Variants in ADGRE2 observed in about 807,000 individuals in gnomAD.
ADGRE2 encodes the protein adhesion G protein-coupled receptor E2.
Under a neutral mutation model 100.8 loss-of-function variants are expected in ADGRE2, and 83 were observed. The ratio of observed to expected loss-of-function variants is 0.82; its 90% CI spans 0.69 to 0.99. The LOEUF (loss-of-function observed/expected upper bound fraction) is 0.99, where lower values mean the gene tolerates loss of function less well. Among genes scored for constraint, ADGRE2 ranks in the 50% least tolerant of loss-of-function variants. The pLI is 0.00. For missense variants in ADGRE2, 814 were observed against 1,035.7 expected (o/e 0.79, Z 2.94); for synonymous variants, 355 against 413.0 (o/e 0.86, Z 1.70).
rs771100341 is a variant in ADGRE2 at position 14,765,306 on chromosome 19, G to T, written c.906+14C>A. Reference sequence around the variant, plus strand: ...CTTCCTGCCTCGCCCCCTTGCCCTGGGTCCTGTCCTTACCTGGATGGTGTT... The same window carrying T: ...CTTCCTGCCTCGCCCCCTTGCCCTGTGTCCTGTCCTTACCTGGATGGTGTT... On this transcript the variant is annotated intron_variant, in intron 10 of 20. Coordinates refer to ENST00000315576, the MANE Select transcript of ADGRE2 (RefSeq NM_013447.4). 10 of 1,613,870 alleles carry T rather than the reference G, an allele frequency of 6.2e-6. No individual in the cohort carries two copies. Among genetic ancestry groups the T allele is most frequent in the Middle Eastern group, 3.3e-4 (2 of 6,084 alleles).
chr19:14,773,886 G>C (rs2044315996), intron 4 of ADGRE2, 52 bp downstream of exon 4: 4 of 1,528,206 alleles, frequency 2.6e-6, no homozygotes, highest in Admixed American at 3.3e-5. Flanking sequence ...CTGGCACTGG[G>C]CTATGCCTCA....
the ADGRE2 span, among the ~76,000 whole-genome samples, chr19:14,725,275 G>A: frequency 6.6e-6 from 1 of 152,168 alleles, no homozygotes; most frequent in South Asian, 2.1e-4. Context: ...TTGCCCCCAT[G>A]ATCCGAATAC....
At chr19:14,731,103 G>C, downstream of ADGRE2, 2 of 1,370,968 alleles carry the variant, frequency 1.5e-6, no homozygotes, top group Admixed American at 2.0e-5. Context: ...CTCCCCCCAA[G>C]GATTGGCCCC....
chr19:14,770,322 C>T (rs192225368), intron 5 of ADGRE2, among the ~76,000 whole-genome samples: 24 of 152,226 alleles, frequency 1.6e-4, no homozygotes, highest in African/African-American at 4.1e-4. Context: ...TCCCCTTTCC[C>T]GTCTGCCAAG....
chr19:14,755,926 G>T, intron 12 of ADGRE2, 49 bp from the exon 13 acceptor site: 1 of 1,495,166 alleles, frequency 6.7e-7, no homozygotes, highest in South Asian at 1.2e-5. Context: ...GAATCTCTGG[G>T]TCCACACCAG....
chr19:14,762,425 C>T (rs2043759633), intron 11 of ADGRE2, among the ~76,000 whole-genome samples: 1 of 151,994 alleles, frequency 6.6e-6, no homozygotes, highest in Non-Finnish European at 1.5e-5. Flanking sequence ...TGTGAGATAT[C>T]CTGATTAGGA....
At chr19:14,746,749 G>A (rs1278524961) in intron 17 of ADGRE2, 147 bp downstream of exon 17, 1 of 661,780 alleles carries the variant, frequency 1.5e-6, no homozygotes, top group East Asian at 2.7e-5. Flanking sequence ...ACAGTGTTGA[G>A]TTTGAAGATT....
the ADGRE2 span, among the ~76,000 whole-genome samples, chr19:14,727,222 G>A: frequency 6.6e-6 from 1 of 152,098 alleles, no homozygotes; most frequent in South Asian, 2.1e-4. Context: ...TAGAGACAGG[G>A]TTTCACCGTG....
chr19:14,767,939 G>T (rs1343714668), intron 5 of ADGRE2, among the ~76,000 whole-genome samples: 1 of 152,246 alleles, frequency 6.6e-6, no homozygotes, highest in Non-Finnish European at 1.5e-5. Context: ...GCAGTCAGCA[G>T]CCTATGCAAC....
At chr19:14,762,844 A>G (rs2043779282) in intron 11 of ADGRE2, among the ~76,000 whole-genome samples, 1 of 151,868 alleles carries the variant, frequency 6.6e-6, no homozygotes, top group Non-Finnish European at 1.5e-5. Context: ...GGGTTTCACT[A>G]TGTTGGCCAG....
intron 11 of ADGRE2, among the ~76,000 whole-genome samples, chr19:14,763,129 CAGG>C (rs1244364923): frequency 1.3e-5 from 2 of 152,036 alleles, no homozygotes; most frequent in African/African-American, 4.8e-5. Flanking sequence ...TGCACAAGGT[CAGG>C]AGATCGAGAG....
chr19:14,727,024 C>CTTT, the ADGRE2 span, among the ~76,000 whole-genome samples: 388 of 70,068 alleles, frequency 5.5e-3, no homozygotes, highest in Non-Finnish European at 7.7e-3. Context: ...AGAAAAGAGG[C>CTTT]TTTTTTTTTT....
intron 10 of ADGRE2, among the ~76,000 whole-genome samples, 186 bp from the exon 11 acceptor site, chr19:14,764,796 G>T (rs193082168): frequency 6.6e-6 from 1 of 152,170 alleles, no homozygotes; most frequent in Non-Finnish European, 1.5e-5. Context: ...ATGAGGGTGG[G>T]TCACAAGGTC....
chr19:14,775,312 T>A (rs1406189469), intron 2 of ADGRE2, among the ~76,000 whole-genome samples: 1 of 151,894 alleles, frequency 6.6e-6, no homozygotes, highest in African/African-American at 2.4e-5. Flanking sequence ...GCCAAAAAAA[T>A]TAAAAATAAT....
chr19:14,763,659 TCTC>T (rs1358829308), intron 11 of ADGRE2, among the ~76,000 whole-genome samples: 2 of 95,078 alleles, frequency 2.1e-5, no homozygotes, highest in East Asian at 3.8e-4. Context: ...CTCTTTCTCG[TCTC>T]CTCCTCCTCT....
At chr19:14,728,038 C>T (rs190525781), downstream of ADGRE2, among the ~76,000 whole-genome samples, 30 of 152,220 alleles carry the variant, frequency 2.0e-4, no homozygotes, top group Admixed American at 7.2e-4. Flanking sequence ...CTGGCTAACA[C>T]GGTGAAACCC....
rs539322163 is a variant in ADGRE2 at position 14,776,809 on chromosome 19, G to T, written c.-53C>A. On this transcript the variant is annotated 5_prime_UTR_variant, in exon 2 of 21. It adds an upstream start codon to the 5' untranslated region. Coordinates refer to ENST00000315576, the MANE Select transcript of ADGRE2 (RefSeq NM_013447.4). ...AGCAGGGGAAAGAGTGAGTGGGACA[G>T]GGCTGTCCCGTCTCCGCAGGCTGGG... 2.5e-6 allele frequency: 4 copies of T among 1,608,960 alleles called. No individual in the cohort carries two copies. The highest frequency in any genetic ancestry group is 3.4e-6 in the Non-Finnish European group (4 of 1,177,822).
Position 14,732,867 on chromosome 19 carries a change from C to G in ADGRE2, c.*3369G>C, listed in dbSNP as rs2042686768. 6.6e-6 allele frequency: 1 copy of G among 152,168 alleles called. No individual in the cohort carries two copies. Among genetic ancestry groups the G allele is most frequent in the South Asian group, 2.1e-4 (1 of 4,836 alleles). The allele number at this position is 152,168 out of a possible 1,614,324, so 9.4% of individuals were successfully genotyped here. A position where few individuals can be genotyped will look rare whatever the true frequency, so the allele number is the denominator to read the frequency against. ...ATGATTGTCTATAGCTGTTTTCATA[C>G]CACAGTGGTAGAATTGAGTTGCTGT... On this transcript the variant is annotated 3_prime_UTR_variant, in exon 21 of 21. Coordinates refer to ENST00000315576, the MANE Select transcript of ADGRE2 (RefSeq NM_013447.4).
At chr19:14,764,732 T>C (rs758456945) in intron 10 of ADGRE2, 122 bp from the exon 11 acceptor site, 2 of 1,122,002 alleles carry the variant, frequency 1.8e-6, no homozygotes, top group Non-Finnish European at 2.5e-6. Context: ...GAAGATGGCA[T>C]TGGCGGCTGG....
Sources: allele counts gnomAD v4.1 joint callset (sites outside exome capture counted in the v4.1 genomes callset), GRCh38; gene constraint gnomAD v4.1.1; transcripts MANE v1.5; gene names NCBI Gene and HGNC (gene_info 2026-07-23, HGNC 2026-07-21).